The following MYT1 variants were observed in gnomAD, a reference collection of about 807,000 sequenced individuals.
The protein encoded by MYT1 is myelin transcription factor I.
A neutral mutation model predicts 123.0 loss-of-function variants in MYT1; 23 were observed. The observed-to-expected ratio is 0.19, with a 90% CI of 0.13 to 0.26. The LOEUF is 0.26. Ranked by LOEUF, MYT1 falls within the 10% of genes least tolerant of loss-of-function variation. MYT1 has a pLI of 1.00. For missense variants in MYT1, 1,125 were observed against 1,472.5 expected (o/e 0.76, Z 3.86); for synonymous variants, 518 against 575.3 (o/e 0.90, Z 1.43).
chr20:64,178,438 C>T (rs947537300), intron 1 of MYT1, among the ~76,000 whole-genome samples: 2 of 151,542 alleles, frequency 1.3e-5, no homozygotes, highest in South Asian at 2.1e-4. Context: ...TAGCACTCCT[C>T]GCCTTTCGTG....
chr20:64,178,895 A>G lies in MYT1; in HGVS notation c.-98-11168A>G, dbSNP rs28533404. ...ACGTGGGAGCACTAAGCCGTTATTCAGTGGGATGCCCTTCAACGTGGGAGC... is the reference window on the plus strand; with the variant it reads ...ACGTGGGAGCACTAAGCCGTTATTCGGTGGGATGCCCTTCAACGTGGGAGC... On this transcript the variant is annotated intron_variant, in intron 1 of 22. Coordinates refer to ENST00000328439, the MANE Select transcript of MYT1 (RefSeq NM_004535.3). Among the ~76,000 whole-genome samples, 236 of 88,656 alleles carry G rather than the reference A, an allele frequency of 2.7e-3. 5 individuals carry two copies. The highest frequency in any genetic ancestry group is 6.8e-3 in the East Asian group (17 of 2,482). The allele number at this position is 88,656 out of a possible 152,430, so 58.2% of individuals were successfully genotyped here. A position where few individuals can be genotyped will look rare whatever the true frequency, so the allele number is the denominator to read the frequency against.
chr20:64,205,124 GA>G, intron 5 of MYT1, 27 bp downstream of exon 5: 1 of 1,612,800 alleles, frequency 6.2e-7, no homozygotes, highest in Non-Finnish European at 8.5e-7. Flanking sequence ...ATCTCACGGA[GA>G]TTCCTGGGCG....
chr20:64,187,210 T>C (rs1185326373), intron 1 of MYT1, among the ~76,000 whole-genome samples: 1 of 145,034 alleles, frequency 6.9e-6, no homozygotes, highest in East Asian at 2.1e-4. Context: ...ACTTTTCCTG[T>C]AGCCCGTGGC....
Position 64,220,940 on chromosome 20 carries a change from C to A in MYT1, c.2242-953C>A, listed in dbSNP as rs952705013. Among the ~76,000 whole-genome samples, 3 of 31,148 alleles carry A rather than the reference C, an allele frequency of 9.6e-5. 1 individual carries two copies. Among genetic ancestry groups the A allele is most frequent in the African/African-American group, 7.7e-4 (3 of 3,900 alleles). The allele number at this position is 31,148 out of a possible 152,430, so 20.4% of individuals were successfully genotyped here. A position where few individuals can be genotyped will look rare whatever the true frequency, so the allele number is the denominator to read the frequency against. Reference sequence around the variant, plus strand: ...TATGAAGGGTGGGGGCTGGATCAGGCCCCCTCCACAATCCGGCCTCAGTGG... The same window carrying A: ...TATGAAGGGTGGGGGCTGGATCAGGACCCCTCCACAATCCGGCCTCAGTGG... On this transcript the variant is annotated intron_variant, in intron 13 of 22. Coordinates refer to ENST00000328439, the MANE Select transcript of MYT1 (RefSeq NM_004535.3).
intron 1 of MYT1, among the ~76,000 whole-genome samples, chr20:64,165,656 C>G (rs566853254): frequency 1.3e-5 from 2 of 152,224 alleles, no homozygotes; most frequent in Admixed American, 6.5e-5. Flanking sequence ...ACACCATTGG[C>G]TGGTAAAGTT....
At chr20:64,226,971 G>A (rs921016192) in intron 16 of MYT1, among the ~76,000 whole-genome samples, 2 of 152,256 alleles carry the variant, frequency 1.3e-5, no homozygotes, top group Non-Finnish European at 2.9e-5. Flanking sequence ...AGATGAACTG[G>A]TCTTAGGCTG....
rs184495558 is a variant in MYT1, at chr20:64,181,121, C to A, written c.-98-8942C>A. Reference sequence around the variant, plus strand: ...TTCTAGTTATCGGTTTTGTTTGTGACTTTTTCCCACTTCAAAAGCTTTTAG... The same window carrying A: ...TTCTAGTTATCGGTTTTGTTTGTGAATTTTTCCCACTTCAAAAGCTTTTAG... On this transcript the variant is annotated intron_variant, in intron 1 of 22. Coordinates refer to ENST00000328439, the MANE Select transcript of MYT1 (RefSeq NM_004535.3). Among the ~76,000 whole-genome samples, 400 of 152,214 alleles carry A rather than the reference C, an allele frequency of 2.6e-3. 2 individuals are homozygous for A. The highest frequency in any genetic ancestry group is 9.4e-3 in the African/African-American group (389 of 41,498).
chr20:64,225,959 C>T lies in MYT1; in HGVS notation c.2529-1456C>T, dbSNP rs1011327052. On this transcript the variant is annotated intron_variant, in intron 16 of 22. Coordinates refer to ENST00000328439, the MANE Select transcript of MYT1 (RefSeq NM_004535.3). ...AGTATCTCCTCTGCTGTTGATGCCA[C>T]TCACAGTCCAATGCTGTGCTTATCC... 2.0e-5 allele frequency among the ~76,000 whole-genome samples: 3 copies of T among 152,220 alleles called. No individual in the cohort carries two copies. In the South Asian group the frequency reaches 6.2e-4, roughly 32 times the overall value.
intron 1 of MYT1, among the ~76,000 whole-genome samples, chr20:64,188,445 C>T (rs1982873604): frequency 6.6e-6 from 1 of 152,162 alleles, no homozygotes; most frequent in Admixed American, 6.5e-5. Flanking sequence ...AGCATCTTGT[C>T]TCCTGGGATA....
chr20:64,219,776 C>T lies in MYT1; in HGVS notation c.2035C>T (p.Arg679Ter), dbSNP rs1178710763. The T allele has an allele frequency of 1.2e-6, 2 of 1,614,182 alleles. No homozygotes were observed. ...LDLSMHKHRKRENAFPSSSSC... is the reference protein window; with the variant it reads ...LDLSMHKHRK ...CTTGAGCATGCACAAACACCGCAAA[C>T]GAGAAAATGCTTTCCCCAGCAGCAG... Residue 679 changes from arginine (R) to a stop codon, truncating the protein, a stop_gained, in exon 13 of 23, where the codon CGA (arginine) becomes TGA (stop). Coordinates refer to ENST00000328439, the MANE Select transcript of MYT1 (RefSeq NM_004535.3). LOFTEE classifies it high-confidence loss of function.
intron 2 of MYT1, among the ~76,000 whole-genome samples, chr20:64,195,374 GT>G: frequency 1.9e-5 from 2 of 103,838 alleles, no homozygotes; most frequent in African/African-American, 8.0e-5. Flanking sequence ...GTGTGTGTGT[GT>G]GTGTGTGTGT....
intron 10 of MYT1, among the ~76,000 whole-genome samples, chr20:64,216,277 C>T (rs1262985266): frequency 6.6e-6 from 1 of 152,238 alleles, no homozygotes; most frequent in African/African-American, 2.4e-5. Context: ...TCTGAGCTGC[C>T]AGGTTCAGAA....
At position 64,185,079 on chromosome 20, in the gene MYT1, CAGG is replaced by C. The variant is rs1370388581; in HGVS notation, c.-98-4978_-98-4976del. Among the ~76,000 whole-genome samples, 1 of 152,050 alleles carries C rather than the reference CAGG, an allele frequency of 6.6e-6. No homozygotes were observed. Among genetic ancestry groups the C allele is most frequent in the Non-Finnish European group, 1.5e-5 (1 of 68,006 alleles). The stretch of plus-strand genomic sequence containing the variant: ...TGGGGAGTGAAGCGTAGTTATGAAG[CAGG>C]AGGAGATGGAGAGGGGGCTGGGCAG... On this transcript the variant is annotated intron_variant, in intron 1 of 22. Transcript: ENST00000328439. This position sits in a 1 kb window ranked among gnomAD's most constrained non-coding sequence, Gnocchi z 4.5.
rs1212955310 is a variant in MYT1, at chr20:64,207,697, T to A, written c.501T>A (p.Ser167=). The A allele has an allele frequency of 2.5e-6, 4 of 1,614,002 alleles. No homozygotes were observed. The part of the protein sequence containing the change: ...YSSYQGIIAT[S]LLNLGQIAEE... ...GCTACCAGGGAATCATCGCAACTTC[T>A]CTCCTGAACTTGGGTCAAATTGCTG... Residue 167 remains serine (S), a synonymous_variant, in exon 7 of 23, where the codon TCT becomes TCA. Coordinates refer to ENST00000328439, the MANE Select transcript of MYT1 (RefSeq NM_004535.3).
In MYT1 at chr20:64,219,889, T is replaced by C. The variant is rs776884471; in HGVS notation, c.2148T>C (p.Ser716=). The change falls in exon 13 of 23, where the codon TCT becomes TCC. Residue 716 remains serine, a synonymous_variant. Transcript: ENST00000328439. ...STSAPSSSMT[S]PQSSQASRQD... is the part of the protein sequence containing the mutation. The stretch of plus-strand genomic sequence containing the variant: ...GCGCCCCCAGCAGCTCCATGACCTC[T>C]CCCCAGTCCAGCCAGGCCTCCCGCC... 6.3e-7 allele frequency: 1 copy of C among 1,580,186 alleles called. No individual in the cohort carries two copies. Among genetic ancestry groups the C allele is most frequent in the Admixed American group, 1.9e-5 (1 of 53,840 alleles).
intron 19 of MYT1, among the ~76,000 whole-genome samples, chr20:64,234,346 T>C (rs1255514025): frequency 6.6e-6 from 1 of 152,148 alleles, no homozygotes; most frequent in African/African-American, 2.4e-5. Flanking sequence ...AAGTGGGTCA[T>C]GTGGACCTCA....
chr20:64,172,064 C>T lies in MYT1; in HGVS notation c.-99+7325C>T, dbSNP rs1158460340. Among the ~76,000 whole-genome samples, 3 of 152,208 alleles carry T rather than the reference C, an allele frequency of 2.0e-5. No homozygotes were observed. The East Asian group carries it at 5.8e-4, about 29-fold the overall frequency. On this transcript the variant is annotated intron_variant, in intron 1 of 22. Coordinates refer to ENST00000328439, the MANE Select transcript of MYT1 (RefSeq NM_004535.3). Reference sequence around the variant, plus strand: ...CCTGCCCAGTCACCCAGAGGCCAGGCCACCTCTGGTGTGGGTAAAGCGTTT... The same window carrying T: ...CCTGCCCAGTCACCCAGAGGCCAGGTCACCTCTGGTGTGGGTAAAGCGTTT...
At chr20:64,184,839 C>T (rs78504670) in intron 1 of MYT1, among the ~76,000 whole-genome samples, 1 of 152,098 alleles carries the variant, frequency 6.6e-6, no homozygotes, top group Non-Finnish European at 1.5e-5. Flanking sequence ...TTGTGGGCAG[C>T]GAGGAAGCAA....
At position 64,166,881 on chromosome 20, in the gene MYT1, A is replaced by C. The variant is rs1285005968; in HGVS notation, c.-99+2142A>C. ...AGAGGGTATGCGGCCACGGGGGTGC[A>C]TGCTGGGCAGCTCTGGCAGCTGACC... On this transcript the variant is annotated intron_variant, in intron 1 of 22. Coordinates refer to ENST00000328439, the MANE Select transcript of MYT1 (RefSeq NM_004535.3). This position sits in a 1 kb window ranked among gnomAD's most constrained non-coding sequence, Gnocchi z 4.9. Among the ~76,000 whole-genome samples the C allele has an allele frequency of 1.3e-5, 2 of 152,176 alleles. No homozygotes were observed. The highest frequency in any genetic ancestry group is 4.8e-5 in the African/African-American group (2 of 41,426).
Sources: allele counts gnomAD v4.1 joint callset (sites outside exome capture counted in the v4.1 genomes callset), GRCh38; gene constraint gnomAD v4.1.1; non-coding constraint Gnocchi (gnomAD v3.1); transcripts MANE v1.5; gene names NCBI Gene and HGNC (gene_info 2026-07-23, HGNC 2026-07-21).